The following SHISA6 variants were observed in gnomAD, a reference collection of about 807,000 sequenced individuals.
The protein encoded by SHISA6 is protein shisa-6.
A neutral mutation model predicts 47.9 loss-of-function variants in SHISA6; 22 were observed. The observed-to-expected ratio is 0.46, with a 90% confidence interval of 0.33 to 0.66. The LOEUF is 0.66. Among genes scored for constraint, SHISA6 ranks in the 30% least tolerant of loss-of-function variants. The probability of loss-of-function intolerance (pLI) is 0.02; values close to 1 mark genes in which losing one functional copy is unlikely to be tolerated. For synonymous variants in SHISA6, 388 were observed against 337.8 expected, an observed-to-expected ratio of 1.15 and a Z score of -1.63; for missense variants, 680 against 764.6, an observed-to-expected ratio of 0.89 and a Z score of 1.30.
rs140713510 is a variant in SHISA6, at chr17:11,261,218, G to A, written c.639-2148G>A. Among the ~76,000 whole-genome samples the A allele has an allele frequency of 8.4e-4, 128 of 152,282 alleles. No individual in the cohort carries two copies. In the East Asian group the frequency reaches 0.023, roughly 28 times the overall value. On this transcript the variant is annotated intron_variant, in intron 1 of 5. Transcript: ENST00000441885. ...GGGCTTCCTTCCTAGTTGCCAGAGGGTACTGGGAAAGGAAGGATCCTGGAG... is the reference window on the plus strand; with the variant it reads ...GGGCTTCCTTCCTAGTTGCCAGAGGATACTGGGAAAGGAAGGATCCTGGAG...
chr17:11,340,237 A>G (rs1911477218), intron 2 of SHISA6, among the ~76,000 whole-genome samples: 1 of 152,224 alleles, frequency 6.6e-6, no homozygotes, highest in Admixed American at 6.5e-5. Context: ...CTATCCCCCA[A>G]ATTAATGAAT....
intron 3 of SHISA6, among the ~76,000 whole-genome samples, chr17:11,529,858 T>A (rs923560910): frequency 6.6e-6 from 1 of 152,086 alleles, no homozygotes; most frequent in Non-Finnish European, 1.5e-5. Flanking sequence ...AAAGAAATGA[T>A]CAAACATATT....
At chr17:11,502,023 C>T (rs905769561) in intron 3 of SHISA6, among the ~76,000 whole-genome samples, 2 of 152,122 alleles carry the variant, frequency 1.3e-5, no homozygotes, top group African/African-American at 4.8e-5. Context: ...TCTACCTGGG[C>T]TTTAGGAACA....
At chr17:11,480,469 C>T (rs1316254134) in intron 3 of SHISA6, among the ~76,000 whole-genome samples, 6 of 152,062 alleles carry the variant, frequency 3.9e-5, no homozygotes, top group South Asian at 4.2e-4. Flanking sequence ...GCCACCACAC[C>T]GGACAGCTGC....
intron 3 of SHISA6, among the ~76,000 whole-genome samples, chr17:11,434,750 C>G (rs1244168158): frequency 1.3e-5 from 2 of 152,186 alleles, no homozygotes; most frequent in Non-Finnish European, 2.9e-5. Context: ...GTCCAACACA[C>G]TGTTCTAGTC....
chr17:11,320,637 A>G (rs1158959679), intron 2 of SHISA6, among the ~76,000 whole-genome samples: 3 of 141,738 alleles, frequency 2.1e-5, no homozygotes, highest in Non-Finnish European at 4.6e-5. Context: ...CAGCCTGGGC[A>G]ACAAGAGCGA....
At chr17:11,543,274 T>C (rs1014143255) in intron 3 of SHISA6, among the ~76,000 whole-genome samples, 1 of 152,106 alleles carries the variant, frequency 6.6e-6, no homozygotes, top group African/African-American at 2.4e-5. Flanking sequence ...TAGAGAGAGA[T>C]GTAATATATA....
intron 3 of SHISA6, among the ~76,000 whole-genome samples, chr17:11,533,191 A>AT (rs1182204261): frequency 1.3e-5 from 2 of 152,172 alleles, no homozygotes; most frequent in Non-Finnish European, 2.9e-5. Context: ...CACAAACACC[A>AT]TAAGTTATGG....
chr17:11,365,423 A>T (rs11653407), intron 2 of SHISA6, among the ~76,000 whole-genome samples: 29,737 of 151,822 alleles, frequency 0.2, 3,083 homozygotes, highest in Middle Eastern at 0.28. Context: ...GATCACAGGC[A>T]CTCACCACCA....
chr17:11,379,159 A>G (rs1912921009), intron 2 of SHISA6, among the ~76,000 whole-genome samples: 1 of 148,294 alleles, frequency 6.7e-6, no homozygotes, highest in Middle Eastern at 3.6e-3. Flanking sequence ...ACTAATATAT[A>G]CACACATATA....
intron 3 of SHISA6, among the ~76,000 whole-genome samples, chr17:11,483,626 G>C (rs1163602972): frequency 1.3e-5 from 2 of 152,158 alleles, no homozygotes; most frequent in Admixed American, 6.5e-5. Context: ...TATTTATGAA[G>C]TTTATAATCC....
At chr17:11,445,709 G>A (rs1915209032) in intron 3 of SHISA6, among the ~76,000 whole-genome samples, 1 of 152,182 alleles carries the variant, frequency 6.6e-6, no homozygotes, top group African/African-American at 2.4e-5. Flanking sequence ...ACAGGGTAGG[G>A]GAGGTAATAA....
chr17:11,517,626 C>T (rs2071596463), intron 3 of SHISA6, among the ~76,000 whole-genome samples: 1 of 152,126 alleles, frequency 6.6e-6, no homozygotes, highest in African/African-American at 2.4e-5. Context: ...CCTCAGCCTC[C>T]TTAGTAGCTG....
intron 3 of SHISA6, among the ~76,000 whole-genome samples, chr17:11,551,079 C>A (rs993939064): frequency 6.6e-6 from 1 of 152,220 alleles, no homozygotes; most frequent in African/African-American, 2.4e-5. Context: ...CTTCCCTTTG[C>A]TTTAGTTGAA....
At chr17:11,536,408 G>A (rs1030548353) in intron 3 of SHISA6, among the ~76,000 whole-genome samples, 24 of 152,126 alleles carry the variant, frequency 1.6e-4, no homozygotes, top group Non-Finnish European at 1.8e-4. Context: ...GGGATATTTG[G>A]GGGTTTCCCA....
At chr17:11,471,025 C>T (rs1319948610) in intron 3 of SHISA6, among the ~76,000 whole-genome samples, 2 of 152,072 alleles carry the variant, frequency 1.3e-5, no homozygotes, top group Non-Finnish European at 2.9e-5. Flanking sequence ...GTCTGGCCAA[C>T]ATGGCAAAAC....
At chr17:11,331,654 C>G (rs1354123634) in intron 2 of SHISA6, among the ~76,000 whole-genome samples, 6 of 152,144 alleles carry the variant, frequency 3.9e-5, no homozygotes, top group Non-Finnish European at 5.9e-5. Flanking sequence ...TCCCTTTGCT[C>G]TCTCTCTCAC....
intron 3 of SHISA6, among the ~76,000 whole-genome samples, chr17:11,452,943 T>TCC: frequency 7.4e-6 from 1 of 134,608 alleles, no homozygotes; most frequent in African/African-American, 2.9e-5. Context: ...CTCCTCTTCC[T>TCC]CCCTCTCCTT....
chr17:11,321,818 T>C (rs1409338971), intron 2 of SHISA6, among the ~76,000 whole-genome samples: 5 of 152,192 alleles, frequency 3.3e-5, no homozygotes, highest in Admixed American at 1.3e-4. Flanking sequence ...TGGCTTTGAA[T>C]GTGGCCCAAC....
Sources: allele counts gnomAD v4.1 joint callset (sites outside exome capture counted in the v4.1 genomes callset), GRCh38; gene constraint gnomAD v4.1.1; transcripts MANE v1.5; gene names NCBI Gene and HGNC (gene_info 2026-07-23, HGNC 2026-07-21).